ANKIB1: variants seen among roughly 807,000 people sequenced by gnomAD.
The protein encoded by ANKIB1 is ankyrin repeat and IBR domain-containing protein 1.
ANKIB1 carries 43 observed loss-of-function variants against 122.1 expected under a neutral mutation model. The ratio of observed to expected loss-of-function variants is 0.35; its 90% confidence interval spans 0.28 to 0.45. The LOEUF (loss-of-function observed/expected upper bound fraction) is 0.45. ANKIB1 is among the 20% of genes least tolerant of loss of function. ANKIB1 has a pLI of 1.00. For missense variants in ANKIB1, 992 were observed against 1,329.5 expected (o/e 0.75, Z 3.95); for synonymous variants, 390 against 442.0 (o/e 0.88, Z 1.48).
At chr7:92,308,104 T>C (rs1329992480) in intron 3 of ANKIB1, among the ~76,000 whole-genome samples, 1 of 152,062 alleles carries the variant, frequency 6.6e-6, no homozygotes, top group African/African-American at 2.4e-5. Context: ...TCTCTTGACC[T>C]CGTGATCCAC....
At chr7:92,267,309 A>G (rs946576430) in intron 1 of ANKIB1, among the ~76,000 whole-genome samples, 3 of 152,238 alleles carry the variant, frequency 2.0e-5, no homozygotes, top group African/African-American at 7.2e-5. Flanking sequence ...AGTGAACACA[A>G]CTATGTCATT....
intron 3 of ANKIB1, 30 bp from the exon 4 acceptor site, chr7:92,319,300 T>C (rs1174106800): frequency 1.4e-6 from 2 of 1,438,624 alleles, no homozygotes; most frequent in Admixed American, 2.3e-5. Flanking sequence ...GAACCTGTAG[T>C]TGCAAGTTTT....
At chr7:92,376,551 C>T (rs542861522) in intron 11 of ANKIB1, among the ~76,000 whole-genome samples, 24 of 151,548 alleles carry the variant, frequency 1.6e-4, no homozygotes, top group African/African-American at 5.6e-4. Context: ...CAGGTTCAAG[C>T]GATTCTCCTG....
At chr7:92,337,698 G>T (rs930713461) in intron 5 of ANKIB1, among the ~76,000 whole-genome samples, 44 of 152,026 alleles carry the variant, frequency 2.9e-4, no homozygotes, top group African/African-American at 1.0e-3. Flanking sequence ...CTGTCTAGGG[G>T]GCTCCTTTTC....
chr7:92,351,314 T>C (rs1803657027), intron 8 of ANKIB1, among the ~76,000 whole-genome samples: 1 of 152,228 alleles, frequency 6.6e-6, no homozygotes, highest in South Asian at 2.1e-4. Context: ...GCTAAAGTAC[T>C]GGTAATTTAC....
chr7:92,376,650 T>C (rs1804389849), intron 11 of ANKIB1, among the ~76,000 whole-genome samples: 1 of 152,046 alleles, frequency 6.6e-6, no homozygotes, highest in Non-Finnish European at 1.5e-5. Context: ...GGTTTCACCA[T>C]GTTTGCTAGG....
rs143347744 is a variant in ANKIB1 at position 92,311,514 on chromosome 7, A to G, written c.486+3858A>G. Among the ~76,000 whole-genome samples, 145 of 152,224 alleles carry G rather than the reference A, an allele frequency of 9.5e-4. 3 individuals are homozygous for G. In the East Asian group the frequency reaches 0.025, roughly 26 times the overall value. On this transcript the variant is annotated intron_variant, in intron 3 of 19. Coordinates refer to ENST00000265742, the MANE Select transcript of ANKIB1 (RefSeq NM_019004.2). ...GTTAAGGCCAGCCTGTTTCTTGACT[A>G]CATCTGTGGAAGTATATCTTCTCTA...
chr7:92,367,827 A>G lies in ANKIB1; in HGVS notation c.1487-3650A>G, dbSNP rs148723287. 9.8e-5 allele frequency among the ~76,000 whole-genome samples: 15 copies of G among 152,302 alleles called. No homozygotes were observed. In the East Asian group the frequency reaches 2.9e-3, roughly 29 times the overall value. ...CAGACCAGTATTTTTCATGGGACAT[A>G]CTCAATAAACTGAGTTCAAATTGTA... On this transcript the variant is annotated intron_variant, in intron 10 of 19. Transcript: ENST00000265742.
At chr7:92,282,832 G>C (rs1288299786) in intron 1 of ANKIB1, among the ~76,000 whole-genome samples, 1 of 152,138 alleles carries the variant, frequency 6.6e-6, no homozygotes, top group Non-Finnish European at 1.5e-5. Context: ...CTTATTTAGA[G>C]AGCTGTGATC....
intron 11 of ANKIB1, among the ~76,000 whole-genome samples, chr7:92,382,903 AGGAGAT>A (rs1397469966): frequency 3.1e-4 from 47 of 152,366 alleles, no homozygotes; most frequent in African/African-American, 1.1e-3. Flanking sequence ...GCAGAACTGA[AGGAGAT>A]GGAGACATAA....
At chr7:92,317,839 G>T (rs77948261) in intron 3 of ANKIB1, among the ~76,000 whole-genome samples, 1 of 152,118 alleles carries the variant, frequency 6.6e-6, no homozygotes, top group African/African-American at 2.4e-5. Flanking sequence ...ATAAAAAGAA[G>T]CTACCATTTT....
chr7:92,269,576 C>T (rs1023478579), intron 1 of ANKIB1, among the ~76,000 whole-genome samples: 1 of 152,146 alleles, frequency 6.6e-6, no homozygotes, highest in African/African-American at 2.4e-5. Context: ...TGTTAACAAA[C>T]ATTTTATAGG....
chr7:92,252,615 A>C (rs936507449), intron 1 of ANKIB1, among the ~76,000 whole-genome samples: 5 of 152,054 alleles, frequency 3.3e-5, no homozygotes, highest in Non-Finnish European at 7.4e-5. Flanking sequence ...TAAAATTAAA[A>C]TAGTAAAGAC....
rs376226786 is a variant in ANKIB1, at chr7:92,297,375, A to G, written c.188+2209A>G. On this transcript the variant is annotated intron_variant, in intron 2 of 19. Coordinates refer to ENST00000265742, the MANE Select transcript of ANKIB1 (RefSeq NM_019004.2). Reference sequence around the variant, plus strand: ...TCTGGACTGCAGTTTTCTTATCTGTATAATGGATATTTACCTCACAGAACT... The same window carrying G: ...TCTGGACTGCAGTTTTCTTATCTGTGTAATGGATATTTACCTCACAGAACT... Among the ~76,000 whole-genome samples the G allele has an allele frequency of 9.8e-5, 15 of 152,358 alleles. 1 individual carries two copies. The East Asian group carries it at 2.7e-3, about 27-fold the overall frequency.
At chr7:92,288,900 T>C (rs1372478382) in intron 1 of ANKIB1, among the ~76,000 whole-genome samples, 1 of 152,054 alleles carries the variant, frequency 6.6e-6, no homozygotes, top group African/African-American at 2.4e-5. Flanking sequence ...TTGCTGACCA[T>C]GGTAACTCTG....
chr7:92,342,073 A>G (rs1443358630), intron 5 of ANKIB1, among the ~76,000 whole-genome samples: 1 of 152,084 alleles, frequency 6.6e-6, no homozygotes, highest in African/African-American at 2.4e-5. Context: ...AACCTCGTGT[A>G]GAAAATTTCC....
At chr7:92,261,976 T>A (rs1393109207) in intron 1 of ANKIB1, among the ~76,000 whole-genome samples, 1 of 152,220 alleles carries the variant, frequency 6.6e-6, no homozygotes, top group Non-Finnish European at 1.5e-5. Flanking sequence ...CTTCTTCGTA[T>A]CTTAAAAGAG....
chr7:92,385,855 A>G (rs566328817), intron 11 of ANKIB1, among the ~76,000 whole-genome samples: 2 of 152,352 alleles, frequency 1.3e-5, no homozygotes, highest in Admixed American at 6.5e-5. Context: ...CCTTGTGCAC[A>G]TGTACCCTAG....
At chr7:92,269,059 A>G (rs1197168870) in intron 1 of ANKIB1, among the ~76,000 whole-genome samples, 1 of 152,228 alleles carries the variant, frequency 6.6e-6, no homozygotes, top group Non-Finnish European at 1.5e-5. Flanking sequence ...TTGACTTTAA[A>G]CAGGAAGAAC....
Sources: gnomAD v4.1 joint callset for allele counts (sites outside exome capture counted in the v4.1 genomes callset) on GRCh38, gnomAD v4.1.1 for gene constraint, MANE v1.5 for transcripts, NCBI Gene and HGNC (gene_info 2026-07-23, HGNC 2026-07-21) for gene names.